Variants in SMG7 observed in about 807,000 individuals in gnomAD.
SMG7 encodes the protein nonsense-mediated mRNA decay factor SMG7.
In SMG7, 34 loss-of-function variants were observed where a neutral mutation model predicts 148.2. The observed-to-expected ratio is 0.23, with a 90% confidence interval of 0.17 to 0.31. The LOEUF (loss-of-function observed/expected upper bound fraction) is 0.31. Ranked by LOEUF, SMG7 falls within the 10% of genes least tolerant of loss-of-function variation. SMG7 has a pLI of 1.00. For missense variants in SMG7, 1,114 were observed against 1,408.4 expected (o/e 0.79, Z 3.35); for synonymous variants, 492 against 515.1 (o/e 0.96, Z 0.61).
At position 183,553,608 on chromosome 1, in the gene SMG7, GC is replaced by G. The variant is rs3832026; in HGVS notation, c.*1685del. 5 of 128,572 alleles carry G rather than the reference GC, an allele frequency of 3.9e-5. No individual in the cohort carries two copies. Among genetic ancestry groups the G allele is most frequent in the East Asian group, 2.8e-4 (1 of 3,606 alleles). 8.0% of individuals were successfully genotyped at this position (128,572 alleles called of 1,614,324 possible). A position where few individuals can be genotyped will look rare whatever the true frequency, so the allele number is the denominator to read the frequency against. Reference sequence around the variant, plus strand: ...TTGCTCTTCAGAGAGAGTGGTTGGAGCCCCCCCCGCCCCGTATGCTTACATT... The same window carrying G: ...TTGCTCTTCAGAGAGAGTGGTTGGAGCCCCCCCGCCCCGTATGCTTACATT... On this transcript the variant is annotated 3_prime_UTR_variant, in exon 23 of 23. Coordinates refer to ENST00000688051, the MANE Select transcript of SMG7 (RefSeq NM_001375584.1).
Position 183,549,198 on chromosome 1 carries a change from G to A in SMG7, c.2893-10G>A, listed in dbSNP as rs1311365154. ...ATAACTTAATTACCTTTTTTTCTGG[G>A]ACTGTGAAGAAATCCTTATTGGAGA... On this transcript the variant is annotated splice_polypyrimidine_tract_variant and intron_variant, in intron 18 of 22. Transcript: ENST00000688051. 6.2e-7 allele frequency: 1 copy of A among 1,600,640 alleles called. No individual in the cohort carries two copies. The highest frequency in any genetic ancestry group is 1.3e-5 in the African/African-American group (1 of 74,272).
chr1:183,472,542 G>C lies in SMG7; in HGVS notation c.-79G>C, dbSNP rs1650897127. ...AAGATGGCGGCGGCCGCCAGCACCC[G>C]CGGTGCCGCGGGGCCGCTCCGAGGA... On this transcript the variant is annotated 5_prime_UTR_variant, in exon 1 of 23. Transcript: ENST00000688051. The C allele has an allele frequency of 7.6e-7, 1 of 1,318,184 alleles. No homozygotes were observed. The highest frequency in any genetic ancestry group is 3.3e-5 in the Admixed American group (1 of 29,856). 81.7% of individuals were successfully genotyped at this position (1,318,184 alleles called of 1,614,324 possible).
intron 1 of SMG7, among the ~76,000 whole-genome samples, chr1:183,511,449 A>G (rs1446760666): frequency 6.6e-6 from 1 of 152,142 alleles, no homozygotes; most frequent in African/African-American, 2.4e-5. Context: ...CGAAGGGGGA[A>G]GAGGTGTTGC....
rs1329030122 is a variant in SMG7 at position 183,472,550 on chromosome 1, G to T, written c.-71G>T. The T allele has an allele frequency of 1.5e-6, 2 of 1,342,158 alleles. No homozygotes were observed. The highest frequency in any genetic ancestry group is 1.5e-5 in the African/African-American group (1 of 65,286). 83.1% of individuals were successfully genotyped at this position (1,342,158 alleles called of 1,614,324 possible). ...GGCGGCCGCCAGCACCCGCGGTGCC[G>T]CGGGGCCGCTCCGAGGAGCCTGAGA... On this transcript the variant is annotated 5_prime_UTR_variant, in exon 1 of 23. Transcript: ENST00000688051.
chr1:183,523,692 G>A (rs1665243306), intron 4 of SMG7, among the ~76,000 whole-genome samples: 1 of 152,196 alleles, frequency 6.6e-6, no homozygotes, highest in Non-Finnish European at 1.5e-5. Flanking sequence ...CTTTGAGCCA[G>A]TAGGAGCTTT....
intron 13 of SMG7, 77 bp downstream of exon 13, chr1:183,541,180 A>C: frequency 3.2e-6 from 4 of 1,250,978 alleles, no homozygotes; most frequent in Non-Finnish European, 3.4e-6. Context: ...GCGCGCGCAC[A>C]CACACACATC....
At chr1:183,501,238 C>T (rs1659641180) in intron 1 of SMG7, 1 of 152,042 alleles carries the variant, frequency 6.6e-6, no homozygotes, top group Non-Finnish European at 1.5e-5. Context: ...CTTCTGTTAC[C>T]TCATTTAATC....
chr1:183,526,473 T>C lies in SMG7; in HGVS notation c.313-123T>C, dbSNP rs1323388413. ...CAGGCCCGAAAGATTACCATATAAT[T>C]TTCATGCAGTTTTTGTTCAGATTTC... On this transcript the variant is annotated intron_variant, in intron 4 of 22. Transcript: ENST00000688051. The C allele has an allele frequency of 7.9e-6, 5 of 629,796 alleles. No homozygotes were observed. In the African/African-American group the frequency reaches 9.4e-5, roughly 12 times the overall value. 39.0% of individuals were successfully genotyped at this position (629,796 alleles called of 1,614,324 possible).
intron 10 of SMG7, among the ~76,000 whole-genome samples, chr1:183,534,080 G>A (rs766797586): frequency 6.6e-6 from 1 of 152,072 alleles, no homozygotes; most frequent in African/African-American, 2.4e-5. Flanking sequence ...TTGCTGTCCT[G>A]GGGAAAAGGC....
chr1:183,488,922 G>A (rs1035933676), intron 1 of SMG7, among the ~76,000 whole-genome samples: 1 of 152,128 alleles, frequency 6.6e-6, no homozygotes, highest in Non-Finnish European at 1.5e-5. Context: ...GACCTTAGGT[G>A]ATCCACCCGC....
intron 1 of SMG7, among the ~76,000 whole-genome samples, chr1:183,483,076 G>A (rs191428893): frequency 4.5e-4 from 68 of 152,266 alleles, no homozygotes; most frequent in African/African-American, 1.6e-3. Flanking sequence ...CACAGTTCTT[G>A]ATGGCATTTT....
chr1:183,530,946 C>A (rs1313239843), intron 8 of SMG7, among the ~76,000 whole-genome samples: 1 of 152,108 alleles, frequency 6.6e-6, no homozygotes, highest in Non-Finnish European at 1.5e-5. Flanking sequence ...TTTGGTTCAA[C>A]CTCAAACACT....
chr1:183,552,407 CTCAG>C lies in SMG7; in HGVS notation c.*478_*481del, dbSNP rs1168906424. 1 of 989,442 alleles carries C rather than the reference CTCAG, an allele frequency of 1.0e-6. No homozygotes were observed. The highest frequency in any genetic ancestry group is 1.1e-4 in the East Asian group (1 of 8,966). The allele number at this position is 989,442 out of a possible 1,614,324, so 61.3% of individuals were successfully genotyped here. On this transcript the variant is annotated 3_prime_UTR_variant, in exon 23 of 23. Coordinates refer to ENST00000688051, the MANE Select transcript of SMG7 (RefSeq NM_001375584.1). The stretch of plus-strand genomic sequence containing the variant: ...TTAAACATCTTTTATTATTATTACT[CTCAG>C]TAGTAAAATATCACACTGAATTCTT...
At chr1:183,475,517 CTG>C (rs1315980811) in intron 1 of SMG7, among the ~76,000 whole-genome samples, 1 of 152,186 alleles carries the variant, frequency 6.6e-6, no homozygotes, top group Non-Finnish European at 1.5e-5. Flanking sequence ...GAAAATGACT[CTG>C]TGTAATGTAG....
In SMG7 at chr1:183,545,436, A is replaced by G. The variant is rs932046582; in HGVS notation, c.2370+124A>G. 8.1e-6 allele frequency: 9 copies of G among 1,111,116 alleles called. No homozygotes were observed. In the African/African-American group the frequency reaches 1.4e-4, roughly 17 times the overall value. 68.8% of individuals were successfully genotyped at this position (1,111,116 alleles called of 1,614,324 possible). On this transcript the variant is annotated intron_variant, in intron 16 of 22. Coordinates refer to ENST00000688051, the MANE Select transcript of SMG7 (RefSeq NM_001375584.1). ...TGCTTAGATTTATAGTGATTATGGGAAAACAAAAGTATTGTCTCTACTGTT... is the reference window on the plus strand; with the variant it reads ...TGCTTAGATTTATAGTGATTATGGGGAAACAAAAGTATTGTCTCTACTGTT...
At chr1:183,505,459 A>G (rs200526749) in intron 1 of SMG7, among the ~76,000 whole-genome samples, 8 of 151,844 alleles carry the variant, frequency 5.3e-5, no homozygotes, top group East Asian at 3.9e-4. Flanking sequence ...TCTTTCATCT[A>G]CTCTTTAAAA....
intron 1 of SMG7, among the ~76,000 whole-genome samples, chr1:183,489,159 CAG>C (rs1656303039): frequency 6.6e-6 from 1 of 151,986 alleles, no homozygotes; most frequent in African/African-American, 2.4e-5. Context: ...GTTCAATCAA[CAG>C]AGTTAGACAG....
In SMG7 at chr1:183,553,161, G is replaced by T; in HGVS notation, c.*1230G>T. The T allele has an allele frequency of 6.5e-7, 1 of 1,536,454 alleles. No individual in the cohort carries two copies. On this transcript the variant is annotated 3_prime_UTR_variant, in exon 23 of 23. Coordinates refer to ENST00000688051, the MANE Select transcript of SMG7 (RefSeq NM_001375584.1). ...GCCCATCAGGCACAGAAGAAAACAC[G>T]ACGTCGTCCATTTTGGAAGAGACGA...
intron 12 of SMG7, among the ~76,000 whole-genome samples, chr1:183,539,739 C>G (rs1486862932): frequency 6.6e-6 from 1 of 152,202 alleles, no homozygotes; most frequent in African/African-American, 2.4e-5. Flanking sequence ...TTCTATTTGT[C>G]TTTCTCACCA....
Sources: gnomAD v4.1 joint callset for allele counts (sites outside exome capture counted in the v4.1 genomes callset) on GRCh38, gnomAD v4.1.1 for gene constraint, MANE v1.5 for transcripts, NCBI Gene and HGNC (gene_info 2026-07-23, HGNC 2026-07-21) for gene names.